ANO3: variants seen among roughly 807,000 people sequenced by gnomAD.
ANO3 encodes anoctamin 3.
A neutral mutation model predicts 144.8 loss-of-function variants in ANO3; 99 were observed. That is an observed-to-expected ratio of 0.68 (90% confidence interval 0.58 to 0.81). ANO3 has a LOEUF of 0.81. Among genes scored for constraint, ANO3 ranks in the 30% least tolerant of loss-of-function variants. The pLI is 0.00. For synonymous variants in ANO3, 414 were observed against 392.6 expected (o/e 1.05, Z -0.64); for missense variants, 905 against 1,202.2 (o/e 0.75, Z 3.66).
At chr11:26,491,980 G>A (rs1218870812) in intron 4 of ANO3, among the ~76,000 whole-genome samples, 1 of 152,150 alleles carries the variant, frequency 6.6e-6, no homozygotes, top group Non-Finnish European at 1.5e-5. Context: ...AATACTACAT[G>A]TAACTTCCAA....
intron 3 of ANO3, among the ~76,000 whole-genome samples, chr11:26,453,418 G>C (rs1859025327): frequency 6.6e-6 from 1 of 152,060 alleles, no homozygotes; most frequent in African/African-American, 2.4e-5. Flanking sequence ...AAAAAAGGCA[G>C]GGGTTGCAAT....
At chr11:26,345,730 A>G (rs1033271684) in intron 1 of ANO3, among the ~76,000 whole-genome samples, 1 of 152,234 alleles carries the variant, frequency 6.6e-6, no homozygotes, top group Non-Finnish European at 1.5e-5. Context: ...CACTTGAAAG[A>G]ATTGCTTGTC....
chr11:26,622,918 T>C (rs1442116872), intron 17 of ANO3, among the ~76,000 whole-genome samples: 3 of 152,202 alleles, frequency 2.0e-5, no homozygotes, highest in Non-Finnish European at 4.4e-5. Flanking sequence ...GCTAGAGGCA[T>C]AGTGGGTGCT....
At chr11:26,611,698 G>C (rs1307778630) in intron 17 of ANO3, among the ~76,000 whole-genome samples, 1 of 152,088 alleles carries the variant, frequency 6.6e-6, no homozygotes, top group East Asian at 1.9e-4. Flanking sequence ...ACTGTTGAGG[G>C]TGGGGTGTTG....
intron 1 of ANO3, among the ~76,000 whole-genome samples, chr11:26,346,384 T>C (rs1165474562): frequency 1.3e-5 from 2 of 152,206 alleles, no homozygotes; most frequent in Non-Finnish European, 2.9e-5. Flanking sequence ...CAAGAGATTC[T>C]GAGAATTTCT....
At chr11:26,193,423 A>G (rs984995091) in intron 1 of ANO3, among the ~76,000 whole-genome samples, 1 of 152,098 alleles carries the variant, frequency 6.6e-6, no homozygotes, top group African/African-American at 2.4e-5. Flanking sequence ...TACAGGCGTC[A>G]GCCACCACAC....
intron 1 of ANO3, among the ~76,000 whole-genome samples, chr11:26,276,646 G>A (rs1214526780): frequency 6.6e-6 from 1 of 152,082 alleles, no homozygotes; most frequent in Non-Finnish European, 1.5e-5. Flanking sequence ...TTCTATTTCT[G>A]TTAGGAATAC....
chr11:26,489,064 C>T (rs1169621053), intron 4 of ANO3, among the ~76,000 whole-genome samples: 1 of 152,194 alleles, frequency 6.6e-6, no homozygotes, highest in Admixed American at 6.5e-5. Flanking sequence ...GCCCACCCGA[C>T]CCAGAAGCCC....
At position 26,547,470 on chromosome 11, in the gene ANO3, T is replaced by C. The variant is rs1849816713; in HGVS notation, c.1209T>C (p.Thr403=). ...GLYFAWLGWY[T]GMLIPAAIVG... is the part of the protein sequence containing the mutation. ...ACTTTGCTTGGCTGGGATGGTATAC[T>C]GGAATGTTGATTCCTGCAGCAATTG... The change falls in exon 12 of 27, where the codon ACT becomes ACC. Residue 403 remains threonine, a synonymous_variant. Coordinates refer to ENST00000256737, the MANE Select transcript of ANO3 (RefSeq NM_031418.4). 2 of 1,611,966 alleles carry C rather than the reference T, an allele frequency of 1.2e-6. No homozygotes were observed. The highest frequency in any genetic ancestry group is 2.7e-5 in the African/African-American group (2 of 74,792).
intron 1 of ANO3, among the ~76,000 whole-genome samples, chr11:26,411,465 T>C (rs1304959066): frequency 1.3e-5 from 2 of 151,992 alleles, no homozygotes; most frequent in Non-Finnish European, 2.9e-5. Context: ...TATTAGATAG[T>C]ATAGAAGTAA....
intron 7 of ANO3, among the ~76,000 whole-genome samples, chr11:26,529,607 A>G (rs1849314329): frequency 1.3e-5 from 2 of 148,252 alleles, no homozygotes; most frequent in African/African-American, 2.5e-5. Flanking sequence ...TGTTATATTT[A>G]ACACTCCTCT....
At chr11:26,231,614 C>T (rs945356077) in intron 1 of ANO3, among the ~76,000 whole-genome samples, 1 of 152,100 alleles carries the variant, frequency 6.6e-6, no homozygotes, top group African/African-American at 2.4e-5. Context: ...AGAATTCAAC[C>T]TCTGGGGTTT....
chr11:26,544,105 G>A (rs535126681), intron 11 of ANO3, among the ~76,000 whole-genome samples: 2 of 151,198 alleles, frequency 1.3e-5, no homozygotes, highest in South Asian at 4.2e-4. Context: ...TTAAAATGAA[G>A]TTAGGATTTG....
chr11:26,316,344 A>G (rs753656539), intron 1 of ANO3, among the ~76,000 whole-genome samples: 4 of 152,162 alleles, frequency 2.6e-5, no homozygotes, highest in Non-Finnish European at 5.9e-5. Context: ...GGGTCATTTG[A>G]TTATGAGGTG....
intron 1 of ANO3, among the ~76,000 whole-genome samples, chr11:26,383,155 G>A (rs1024137544): frequency 3.3e-5 from 5 of 151,940 alleles, no homozygotes; most frequent in African/African-American, 1.2e-4. Context: ...AAATGAGGTA[G>A]GAATTTTTAA....
At chr11:26,566,603 C>A (rs1023940433) in intron 14 of ANO3, among the ~76,000 whole-genome samples, 2 of 151,870 alleles carry the variant, frequency 1.3e-5, no homozygotes, top group Non-Finnish European at 2.9e-5. Context: ...TAAGGATATT[C>A]TTTAATCTTA....
At chr11:26,282,755 C>G (rs1403248874) in intron 1 of ANO3, among the ~76,000 whole-genome samples, 3 of 151,820 alleles carry the variant, frequency 2.0e-5, no homozygotes, top group South Asian at 4.2e-4. Flanking sequence ...TTCATGAAGC[C>G]TCAGTAGTCT....
At chr11:26,338,876 A>G (rs1442446347) in intron 1 of ANO3, among the ~76,000 whole-genome samples, 2 of 152,228 alleles carry the variant, frequency 1.3e-5, no homozygotes, top group African/African-American at 2.4e-5. Flanking sequence ...TAAGAGCTGT[A>G]ACACTCACCG....
At chr11:26,579,055 G>A (rs1331196551) in intron 14 of ANO3, among the ~76,000 whole-genome samples, 1 of 152,058 alleles carries the variant, frequency 6.6e-6, no homozygotes, top group African/African-American at 2.4e-5. Context: ...ATTTTTACAT[G>A]GACTTAACTT....
Sources: gnomAD v4.1 joint callset for allele counts (sites outside exome capture counted in the v4.1 genomes callset) on GRCh38, gnomAD v4.1.1 for gene constraint, MANE v1.5 for transcripts, NCBI Gene and HGNC (gene_info 2026-07-23, HGNC 2026-07-21) for gene names.